Variants in RAB40B observed in about 807,000 individuals in gnomAD.
RAB40B encodes ras-related protein Rab-40B.
Under a neutral mutation model 24.0 loss-of-function variants are expected in RAB40B, and 21 were observed. The observed-to-expected ratio is 0.88, with a 90% CI of 0.62 to 1.26. The LOEUF is 1.26. RAB40B is among the 50% of genes most tolerant of loss of function. The probability of loss-of-function intolerance (pLI) is 0.00; values close to 1 mark genes in which losing one functional copy is unlikely to be tolerated. For missense variants in RAB40B, 348 were observed against 390.5 expected, an observed-to-expected ratio of 0.89 and a Z score of 0.92; for synonymous variants, 167 against 169.8, an observed-to-expected ratio of 0.98 and a Z score of 0.13.
In RAB40B at chr17:82,698,683, C is replaced by A. The variant is rs1001513284; in HGVS notation, c.-87G>T. On this transcript the variant is annotated 5_prime_UTR_variant, in exon 1 of 6. Transcript: ENST00000571995. The stretch of plus-strand genomic sequence containing the variant: ...CCGGCCCCGAGAGGCGCCGCGCGGG[C>A]CCCGAGTCCTTGCTCGCCTCCGGCC... 2.9e-6 allele frequency: 3 copies of A among 1,051,132 alleles called. No homozygotes were observed. Among genetic ancestry groups the A allele is most frequent in the Non-Finnish European group, 2.4e-6 (2 of 848,162 alleles). 65.1% of individuals were successfully genotyped at this position (1,051,132 alleles called of 1,614,324 possible).
intron 1 of RAB40B, among the ~76,000 whole-genome samples, chr17:82,679,837 C>T (rs2046431812): frequency 3.7e-5 from 4 of 109,366 alleles, no homozygotes; most frequent in African/African-American, 1.4e-4. Context: ...CGAAGGAACA[C>T]GGCCCAGAAG....
intron 1 of RAB40B, among the ~76,000 whole-genome samples, chr17:82,674,514 C>T (rs950901724): frequency 6.7e-6 from 1 of 150,228 alleles, no homozygotes. Flanking sequence ...TGGCGGGCAC[C>T]TGTAGTCCCA....
Sources: allele counts gnomAD v4.1 joint callset (sites outside exome capture counted in the v4.1 genomes callset), GRCh38; gene constraint gnomAD v4.1.1; transcripts MANE v1.5; gene names NCBI Gene and HGNC (gene_info 2026-07-23, HGNC 2026-07-21).